Variants in ANKFN1 observed in about 807,000 individuals in gnomAD.
ANKFN1 encodes the protein ankyrin repeat and fibronectin type-III domain-containing protein 1.
In ANKFN1, 74 loss-of-function variants were observed where a neutral mutation model predicts 108.7. That is an observed-to-expected ratio of 0.68 (90% CI 0.56 to 0.83). ANKFN1 has a LOEUF of 0.83. ANKFN1 is among the 40% of genes least tolerant of loss of function. The pLI, the probability that ANKFN1 is intolerant of heterozygous loss-of-function variation, is 0.00. For synonymous variants in ANKFN1, 547 were observed against 516.2 expected, an observed-to-expected ratio of 1.06 and a Z score of -0.81; for missense variants, 1,505 against 1,382.3, an observed-to-expected ratio of 1.09 and a Z score of -1.41.
intron 4 of ANKFN1, among the ~76,000 whole-genome samples, chr17:56,108,712 G>A (rs1460947355): frequency 1.3e-5 from 2 of 152,166 alleles, no homozygotes; most frequent in Non-Finnish European, 2.9e-5. Flanking sequence ...TGGAGTAACA[G>A]GATATCTCCA....
chr17:56,328,938 C>T (rs984601569), intron 4 of ANKFN1, among the ~76,000 whole-genome samples: 10 of 152,040 alleles, frequency 6.6e-5, no homozygotes, highest in African/African-American at 2.4e-4. Flanking sequence ...TCCAGCCCAC[C>T]CCATCCCCAT....
intron 3 of ANKFN1, among the ~76,000 whole-genome samples, chr17:56,255,644 G>T (rs1387230134): frequency 6.6e-6 from 1 of 152,154 alleles, no homozygotes. Flanking sequence ...AAGCAAGAAG[G>T]TCAGTGTGGC....
chr17:56,105,368 AGCT>A (rs1265806632), intron 4 of ANKFN1, among the ~76,000 whole-genome samples: 2 of 152,150 alleles, frequency 1.3e-5, no homozygotes, highest in Non-Finnish European at 2.9e-5. Context: ...GGAGTCTGCT[AGCT>A]ACCCCTGCAC....
chr17:56,227,869 G>T, intron 2 of ANKFN1, 48 bp from the exon 3 acceptor site: 1 of 1,476,742 alleles, frequency 6.8e-7, no homozygotes. Flanking sequence ...ATTTTGAATT[G>T]ATTACTGTAC....
chr17:56,421,050 G>A (rs1340534846), intron 8 of ANKFN1, among the ~76,000 whole-genome samples: 1 of 152,116 alleles, frequency 6.6e-6, no homozygotes, highest in Non-Finnish European at 1.5e-5. Context: ...GCTGGGGGGC[G>A]GGAATAAATA....
chr17:56,366,767 G>A (rs2046674652), intron 6 of ANKFN1, among the ~76,000 whole-genome samples: 1 of 152,190 alleles, frequency 6.6e-6, no homozygotes, highest in Non-Finnish European at 1.5e-5. Context: ...GGCTATGCCT[G>A]CTAGATTTGT....
At chr17:56,126,145 G>A (rs1906914539) in intron 4 of ANKFN1, among the ~76,000 whole-genome samples, 1 of 152,208 alleles carries the variant, frequency 6.6e-6, no homozygotes, top group Admixed American at 6.5e-5. Context: ...AGCTGCTGGT[G>A]ATGCCCAGAG....
rs1235270874 is a variant in ANKFN1 at position 56,350,876 on chromosome 17, T to A, written c.299T>A (p.Leu100His). 1.9e-6 allele frequency: 3 copies of A among 1,613,766 alleles called. No homozygotes were observed. In the Admixed American group the frequency reaches 5.0e-5, roughly 27 times the overall value. ...GCAGCCAAACGCCTGTACAGGAACC[T>A]CTCTGAGAAACTGAAAGGGAGCCAC... Reference protein sequence around the residue: ...PNAAKRLYRNLSEKLKGSHSS... With the variant: ...PNAAKRLYRNHSEKLKGSHSS... Residue 100 changes from leucine (L) to histidine (H), a missense_variant, in exon 5 of 21, where the codon CTC (leucine) becomes CAC (histidine). Transcript: ENST00000682825.
intron 15 of ANKFN1, among the ~76,000 whole-genome samples, chr17:56,470,060 T>G (rs2050264105): frequency 6.6e-6 from 1 of 152,198 alleles, no homozygotes; most frequent in African/African-American, 2.4e-5. Flanking sequence ...GTTCCTGCAT[T>G]AGTTTGCTGA....
intron 3 of ANKFN1, among the ~76,000 whole-genome samples, chr17:56,288,733 A>G (rs2044284149): frequency 6.6e-6 from 1 of 152,172 alleles, no homozygotes; most frequent in South Asian, 2.1e-4. Context: ...GAGCCTTTAG[A>G]GTAGTAGACT....
chr17:56,475,186 A>G (rs958280160), intron 15 of ANKFN1, among the ~76,000 whole-genome samples: 5 of 152,240 alleles, frequency 3.3e-5, no homozygotes, highest in African/African-American at 1.2e-4. Context: ...AGAAAATAAC[A>G]CGAAAGAAAA....
chr17:56,270,004 G>T (rs969931713), intron 3 of ANKFN1, among the ~76,000 whole-genome samples: 1 of 152,188 alleles, frequency 6.6e-6, no homozygotes, highest in Admixed American at 6.5e-5. Flanking sequence ...AGAGCTATCT[G>T]GTGTCCAAAA....
intron 1 of ANKFN1, among the ~76,000 whole-genome samples, chr17:56,176,910 A>G (rs529802957): frequency 1.3e-5 from 2 of 152,322 alleles, no homozygotes; most frequent in African/African-American, 4.8e-5. Context: ...ACAGGACACA[A>G]TGCCTTTTGT....
intron 3 of ANKFN1, among the ~76,000 whole-genome samples, chr17:56,257,548 G>A (rs902430969): frequency 1.3e-5 from 2 of 152,124 alleles, no homozygotes; most frequent in Admixed American, 1.3e-4. Context: ...ACCAAACTTA[G>A]CTTCTCTCCC....
At chr17:56,220,744 G>A (rs1414571410) in intron 2 of ANKFN1, among the ~76,000 whole-genome samples, 1 of 142,782 alleles carries the variant, frequency 7.0e-6, no homozygotes, top group Non-Finnish European at 1.5e-5. Context: ...GGAAAGGGAA[G>A]AGGGAGGAAG....
intron 5 of ANKFN1, 83 bp from the exon 6 acceptor site, chr17:56,353,751 AAC>A: frequency 1.6e-6 from 2 of 1,232,554 alleles, no homozygotes; most frequent in Non-Finnish European, 2.4e-6. Flanking sequence ...CAGTCCCTGA[AAC>A]AGTCTTTAAA....
At chr17:56,142,380 C>G (rs1907979439) in intron 4 of ANKFN1, among the ~76,000 whole-genome samples, 1 of 152,168 alleles carries the variant, frequency 6.6e-6, no homozygotes, top group Non-Finnish European at 1.5e-5. Context: ...TCAAGAGTAG[C>G]TATTGGCCAA....
At chr17:56,227,824 T>C (rs972235508) in intron 2 of ANKFN1, 93 bp from the exon 3 acceptor site, 24 of 982,948 alleles carry the variant, frequency 2.4e-5, no homozygotes, top group Admixed American at 8.4e-5. Context: ...CTCTTTTTTT[T>C]TTCAATCAGT....
chr17:56,164,809 T>G (rs775179503), intron 1 of ANKFN1, among the ~76,000 whole-genome samples: 2 of 152,216 alleles, frequency 1.3e-5, no homozygotes, highest in Non-Finnish European at 2.9e-5. Flanking sequence ...TTGAAAATAC[T>G]TGATGGTGAT....
Sources: allele counts gnomAD v4.1 joint callset (sites outside exome capture counted in the v4.1 genomes callset), GRCh38; gene constraint gnomAD v4.1.1; transcripts MANE v1.5; gene names NCBI Gene and HGNC (gene_info 2026-07-23, HGNC 2026-07-21).